The following OXGR1 variants were observed in gnomAD, a reference collection of about 807,000 sequenced individuals.
OXGR1 encodes oxoglutarate receptor 1, also known as 2-oxoglutarate receptor 1.
A neutral mutation model predicts 10.0 loss-of-function variants in OXGR1; 10 were observed. That is an observed-to-expected ratio of 1.00 (90% CI 0.62 to 1.70). The LOEUF (loss-of-function observed/expected upper bound fraction) is 1.70, where lower values mean the gene tolerates loss of function less well. OXGR1 is among the 40% of genes most tolerant of loss of function. The pLI is 0.00. For synonymous variants in OXGR1, 191 were observed against 155.9 expected (o/e 1.22, Z -1.68); for missense variants, 398 against 407.6 (o/e 0.98, Z 0.20).
intron 2 of OXGR1, among the ~76,000 whole-genome samples, chr13:96,992,162 C>CCTA: frequency 6.6e-6 from 1 of 151,758 alleles, no homozygotes. Flanking sequence ...ATGAATAAGA[C>CCTA]CTACTATTTG....
At position 96,986,599 on chromosome 13, in the gene OXGR1, C is replaced by T; in HGVS notation, c.*147G>A. On this transcript the variant is annotated 3_prime_UTR_variant, in exon 4 of 4. Coordinates refer to ENST00000541038, the MANE Select transcript of OXGR1 (RefSeq NM_001346194.2). ...AGCTCAATAAAGGGATTGCAAAGAA[C>T]TAGAAGCTCTGCCCTGGCTTTGGCA... 1.3e-6 allele frequency: 1 copy of T among 788,140 alleles called. No individual in the cohort carries two copies. Among genetic ancestry groups the T allele is most frequent in the South Asian group, 1.8e-5 (1 of 54,368 alleles). 48.8% of individuals were successfully genotyped at this position (788,140 alleles called of 1,614,324 possible).
chr13:96,990,942 CT>C (rs1882021523), intron 2 of OXGR1, among the ~76,000 whole-genome samples: 2 of 29,768 alleles, frequency 6.7e-5, no homozygotes, highest in South Asian at 2.0e-3. Flanking sequence ...CAGCAAGACT[CT>C]TTCAAAAAAA....
At chr13:96,991,600 T>C (rs1445174135) in intron 2 of OXGR1, among the ~76,000 whole-genome samples, 1 of 152,180 alleles carries the variant, frequency 6.6e-6, no homozygotes, top group Non-Finnish European at 1.5e-5. Context: ...AAAGCCAGCA[T>C]CAAAGGTTGG....
rs879702631 is a variant in OXGR1 at position 96,990,354 on chromosome 13, AAGAT to A, written c.-126-549_-126-546del. 3.5e-4 allele frequency among the ~76,000 whole-genome samples: 54 copies of A among 152,308 alleles called. No individual in the cohort carries two copies. In the East Asian group the frequency reaches 8.9e-3, roughly 25 times the overall value. ...ATGTTGCTTCTGGAGCAAAGAAGTA[AAGAT>A]AGTTTTAGTAACGCCCAAAATAATT... On this transcript the variant is annotated intron_variant, in intron 2 of 3. Coordinates refer to ENST00000541038, the MANE Select transcript of OXGR1 (RefSeq NM_001346194.2).
intron 3 of OXGR1, among the ~76,000 whole-genome samples, chr13:96,988,409 C>T (rs369636618): frequency 2.0e-5 from 3 of 152,188 alleles, no homozygotes; most frequent in South Asian, 2.1e-4. Context: ...TGTTGATTTT[C>T]GTCATGATTG....
In OXGR1 at chr13:96,987,026, A is replaced by C. The variant is rs1310064205; in HGVS notation, c.734T>G (p.Leu245Arg). 1.2e-6 allele frequency: 2 copies of C among 1,614,122 alleles called. No homozygotes were observed. Among genetic ancestry groups the C allele is most frequent in the African/African-American group, 2.7e-5 (2 of 74,936 alleles). Residue 245 changes from leucine to arginine, a missense_variant, in exon 4 of 4, where the codon CTG (leucine) becomes CGG (arginine). Coordinates refer to ENST00000541038, the MANE Select transcript of OXGR1 (RefSeq NM_001346194.2). ...LKQKARRLTI[L>R]LLLAFYVCFL... ...ACATACGTAAAATGCAAGGAGTAGC[A>C]GAATGGTTAGCCTTCGTGCTTTCTG...
chr13:96,989,592 G>T (rs2138897654), intron 3 of OXGR1, among the ~76,000 whole-genome samples, 166 bp downstream of exon 3: 1 of 152,324 alleles, frequency 6.6e-6, no homozygotes, highest in South Asian at 2.1e-4. Flanking sequence ...AGAGGAAACT[G>T]AGGCACGGAG....
chr13:96,992,323 A>C (rs1207511248), intron 2 of OXGR1, 99 bp downstream of exon 2: 1 of 152,222 alleles, frequency 6.6e-6, no homozygotes, highest in Non-Finnish European at 1.5e-5. Flanking sequence ...TTCACATTGC[A>C]TGCCTGTATC....
chr13:96,993,288 T>C (rs186958612), intron 1 of OXGR1, among the ~76,000 whole-genome samples: 121 of 152,290 alleles, frequency 7.9e-4, no homozygotes, highest in Non-Finnish European at 1.5e-3. Context: ...GCCATGATCT[T>C]GGCGCACTTC....
upstream of OXGR1, chr13:96,994,519 A>G (rs990903791): frequency 6.7e-6 from 1 of 150,268 alleles, no homozygotes; most frequent in African/African-American, 2.5e-5. Context: ...AGCGGCTTCC[A>G]CTCCCGGGAC....
intron 2 of OXGR1, among the ~76,000 whole-genome samples, chr13:96,991,626 A>G (rs1179928946): frequency 2.6e-5 from 4 of 152,266 alleles, no homozygotes; most frequent in Non-Finnish European, 4.4e-5. Flanking sequence ...ACTTGTGAAG[A>G]AAAAGCTTAT....
chr13:96,990,961 A>AAAAAAAAAAAAAAAAAAAAAAAAAAAAC (rs1882026641), intron 2 of OXGR1, among the ~76,000 whole-genome samples: 1 of 151,452 alleles, frequency 6.6e-6, no homozygotes, highest in African/African-American at 2.4e-5. Context: ...AAAAAAAAAA[A>AAAAAAAAAAAAAAAAAAAAAAAAAAAAC]AGCAAGCTTA....
intron 1 of OXGR1, among the ~76,000 whole-genome samples, chr13:96,993,344 G>A: frequency 6.6e-6 from 1 of 151,960 alleles, no homozygotes; most frequent in Non-Finnish European, 1.5e-5. Flanking sequence ...CTCAGCCTCG[G>A]AGTGGCTGGG....
In OXGR1 at chr13:96,987,433, G is replaced by C; in HGVS notation, c.327C>G (p.Ile109Met). ...ACAGGTTGAAATGGAAGCTGAAGCG[G>C]ATAAACTTACACATGAAATCTCCAA... The part of the protein sequence containing the change: ...WIFGDFMCKF[I>M]RFSFHFNLYS... Residue 109 changes from isoleucine to methionine, a missense_variant, in exon 4 of 4, where the codon ATC becomes ATG. Coordinates refer to ENST00000541038, the MANE Select transcript of OXGR1 (RefSeq NM_001346194.2). The C allele has an allele frequency of 1.2e-6, 2 of 1,614,214 alleles. No homozygotes were observed. Among genetic ancestry groups the C allele is most frequent in the Non-Finnish European group, 1.7e-6 (2 of 1,180,044 alleles).
Position 96,987,741 on chromosome 13 carries a change from A to G in OXGR1, c.19T>C (p.Tyr7His). The G allele has an allele frequency of 6.3e-7, 1 of 1,592,300 alleles. No individual in the cohort carries two copies. Among genetic ancestry groups the G allele is most frequent in the Non-Finnish European group, 8.6e-7 (1 of 1,168,566 alleles). ...GGGAAATCAGAAGCATTTGCTAAAT[A>G]GTCTAGTGGCTCATTCATGGTTGTC... Reference protein sequence around the residue: MNEPLDYLANASDFPDY... With the variant: MNEPLDHLANASDFPDY... Residue 7 changes from tyrosine to histidine, a missense_variant, in exon 4 of 4, where the codon TAT becomes CAT. Coordinates refer to ENST00000541038, the MANE Select transcript of OXGR1 (RefSeq NM_001346194.2).
At chr13:96,988,180 T>C (rs1356781647) in intron 3 of OXGR1, among the ~76,000 whole-genome samples, 1 of 152,168 alleles carries the variant, frequency 6.6e-6, no homozygotes, top group East Asian at 1.9e-4. Context: ...TAACCAAGTG[T>C]GATGCATGCC....
intron 2 of OXGR1, among the ~76,000 whole-genome samples, chr13:96,990,777 CT>C (rs903771229): frequency 6.6e-6 from 1 of 151,576 alleles, no homozygotes; most frequent in African/African-American, 2.4e-5. Context: ...AACTCCGTCT[CT>C]ATTAAAAATA....
rs537097194 is a variant in OXGR1, at chr13:96,989,076, A to G, written c.-75+682T>C. ...CTGTCAATAGTATGTTAAAAATAGG[A>G]AAAAAAACTCTTGGCTCACTACTGG... On this transcript the variant is annotated intron_variant, in intron 3 of 3. Coordinates refer to ENST00000541038, the MANE Select transcript of OXGR1 (RefSeq NM_001346194.2). Among the ~76,000 whole-genome samples, 150 of 137,668 alleles carry G rather than the reference A, an allele frequency of 1.1e-3. 1 individual carries two copies. Among genetic ancestry groups the G allele is most frequent in the African/African-American group, 4.3e-3 (149 of 34,276 alleles). 90.3% of individuals were successfully genotyped at this position (137,668 alleles called of 152,430 possible). A position where few individuals can be genotyped will look rare whatever the true frequency, so the allele number is the denominator to read the frequency against.
Position 96,986,910 on chromosome 13 carries a change from A to G in OXGR1, c.850T>C (p.Tyr284His), listed in dbSNP as rs753709562. 2 of 1,614,224 alleles carry G rather than the reference A, an allele frequency of 1.2e-6. No homozygotes were observed. Among genetic ancestry groups the G allele is most frequent in the Non-Finnish European group, 1.7e-6 (2 of 1,180,034 alleles). Residue 284 changes from tyrosine to histidine, a missense_variant, in exon 4 of 4, where the codon TAC becomes CAC. By Grantham distance (83) the Tyr-to-His change is moderately conservative. Transcript: ENST00000541038. Reference protein sequence around the residue: ...CSIENQIHEAYIVSRPLAALN... With the variant: ...CSIENQIHEAHIVSRPLAALN... Reference sequence around the variant, plus strand: ...GCAGCTAATGGTCTAGAAACGATGTAAGCTTCATGGATCTGATTCTCAATG... The same window carrying G: ...GCAGCTAATGGTCTAGAAACGATGTGAGCTTCATGGATCTGATTCTCAATG...
Sources: gnomAD v4.1 joint callset for allele counts (sites outside exome capture counted in the v4.1 genomes callset) on GRCh38, gnomAD v4.1.1 for gene constraint, MANE v1.5 for transcripts, NCBI Gene and HGNC (gene_info 2026-07-23, HGNC 2026-07-21) for gene names.